RGSL1: variants seen among roughly 807,000 people sequenced by gnomAD.
RGSL1 encodes regulator of G protein signaling protein-like.
A neutral mutation model predicts 124.7 loss-of-function variants in RGSL1; 97 were observed. The observed-to-expected ratio is 0.78, with a 90% CI of 0.66 to 0.92. The LOEUF (loss-of-function observed/expected upper bound fraction) is 0.92. Ranked by LOEUF, RGSL1 falls within the 40% of genes least tolerant of loss-of-function variation. The pLI is 0.00. For missense variants in RGSL1, 1,233 were observed against 1,288.4 expected (o/e 0.96, Z 0.66); for synonymous variants, 424 against 438.1 (o/e 0.97, Z 0.40).
upstream of RGSL1, chr1:182,450,105 C>G: frequency 1.3e-6 from 2 of 1,546,088 alleles, no homozygotes; most frequent in South Asian, 2.4e-5. Context: ...GGATATAGTT[C>G]TATTGACTGG....
In RGSL1 at chr1:182,550,869, C is replaced by T. The variant is rs1344839637; in HGVS notation, c.2934-231C>T. On this transcript the variant is annotated intron_variant, in intron 17 of 21. Coordinates refer to ENST00000294854, the MANE Select transcript of RGSL1 (RefSeq NM_001137669.2). ...TTCACTGATGGTTCCAGAAAGAAGCCCCAACAAACTGCCCATGCCAGGCCC... is the reference window on the plus strand; with the variant it reads ...TTCACTGATGGTTCCAGAAAGAAGCTCCAACAAACTGCCCATGCCAGGCCC... 4 of 517,396 alleles carry T rather than the reference C, an allele frequency of 7.7e-6. No homozygotes were observed. The Admixed American group carries it at 1.3e-4, about 17-fold the overall frequency. The allele number at this position is 517,396 out of a possible 1,614,324, so 32.1% of individuals were successfully genotyped here.
intron 13 of RGSL1, among the ~76,000 whole-genome samples, chr1:182,531,798 C>T (rs1659191952): frequency 6.6e-6 from 1 of 152,164 alleles, no homozygotes; most frequent in Admixed American, 6.6e-5. Context: ...TCAACATGTA[C>T]TTAATGCCTA....
In RGSL1 at chr1:182,488,341, T is replaced by A; in HGVS notation, c.1488T>A (p.Leu496=). ...ATGAAGAGGACTACTGGTTTCTCCT[T>A]TTTACGGTAGGAAGGACTTTGGGTT... ...FLDEEDYWFL[L]FTTQNRFISS... The change falls in exon 7 of 22, where the codon CTT becomes CTA. Residue 496 remains leucine, a synonymous_variant. Coordinates refer to ENST00000294854, the MANE Select transcript of RGSL1 (RefSeq NM_001137669.2). 3 of 1,552,262 alleles carry A rather than the reference T, an allele frequency of 1.9e-6. No homozygotes were observed. The highest frequency in any genetic ancestry group is 2.6e-6 in the Non-Finnish European group (3 of 1,147,078).
In RGSL1 at chr1:182,473,949, C is replaced by G. The variant is rs1471392560; in HGVS notation, c.838C>G (p.Gln280Glu). 1 of 1,551,936 alleles carries G rather than the reference C, an allele frequency of 6.4e-7. No homozygotes were observed. The highest frequency in any genetic ancestry group is 8.7e-7 in the Non-Finnish European group (1 of 1,147,072). The change falls in exon 6 of 22, where the codon CAG becomes GAG. Residue 280 changes from glutamine (Q) to glutamate (E), a missense_variant. Transcript: ENST00000294854. ...LKPDAIGMPL[Q>E]ETCPQEKVVI... is the part of the protein sequence containing the mutation. ...GCCAGATGCTATTGGTATGCCCCTA[C>G]AGGAGACATGTCCTCAAGAGAAGGT...
At chr1:182,450,529 G>A in intron 1 of RGSL1, 2 of 304,330 alleles carry the variant, frequency 6.6e-6, no homozygotes, top group Non-Finnish European at 1.3e-5. Flanking sequence ...GCGTGGAATG[G>A]GTGCTAAAAG....
chr1:182,460,152 G>A lies in RGSL1; in HGVS notation c.301+19G>A. 1 of 1,508,818 alleles carries A rather than the reference G, an allele frequency of 6.6e-7. No homozygotes were observed. Among genetic ancestry groups the A allele is most frequent in the Non-Finnish European group, 8.8e-7 (1 of 1,134,612 alleles). 93.5% of individuals were successfully genotyped at this position (1,508,818 alleles called of 1,614,324 possible). A position where few individuals can be genotyped will look rare whatever the true frequency, so the allele number is the denominator to read the frequency against. On this transcript the variant is annotated intron_variant, in intron 4 of 21. Transcript: ENST00000294854. Reference sequence around the variant, plus strand: ...GAAGGAGGTAAGCATTGGTGTGCATGCGTGTGTCTGTGTGTGTGTGTGTGT... The same window carrying A: ...GAAGGAGGTAAGCATTGGTGTGCATACGTGTGTCTGTGTGTGTGTGTGTGT...
intron 21 of RGSL1, among the ~76,000 whole-genome samples, chr1:182,556,778 C>T (rs1660891112): frequency 2.0e-5 from 3 of 152,062 alleles, no homozygotes; most frequent in Non-Finnish European, 2.9e-5. Flanking sequence ...AAGCCCTAAA[C>T]TATTGTCATA....
At chr1:182,549,912 A>G (rs1335019586) in intron 17 of RGSL1, 1 of 152,140 alleles carries the variant, frequency 6.6e-6, no homozygotes, top group Non-Finnish European at 1.5e-5. Context: ...TCACCCAGAG[A>G]CTTTTGGAGG....
chr1:182,552,775 G>A (rs1571721460), intron 18 of RGSL1, among the ~76,000 whole-genome samples: 1 of 152,230 alleles, frequency 6.6e-6, no homozygotes, highest in Non-Finnish European at 1.5e-5. Flanking sequence ...CCCCATGGTG[G>A]AAGGCAGAAG....
intron 14 of RGSL1, among the ~76,000 whole-genome samples, chr1:182,537,919 CT>C (rs1659651381): frequency 3.3e-5 from 5 of 152,246 alleles, no homozygotes. Flanking sequence ...TGAACTCTGT[CT>C]TGTAAACTCT....
intron 6 of RGSL1, 51 bp from the exon 7 acceptor site, chr1:182,488,234 C>T (rs1004680029): frequency 9.6e-5 from 145 of 1,509,152 alleles, no homozygotes; most frequent in Non-Finnish European, 1.2e-4. Flanking sequence ...AGGAAAGATG[C>T]AGCAAGCTGA....
At chr1:182,546,215 A>C (rs1161033250) in intron 15 of RGSL1, among the ~76,000 whole-genome samples, 1 of 152,214 alleles carries the variant, frequency 6.6e-6, no homozygotes, top group Non-Finnish European at 1.5e-5. Flanking sequence ...GGGAGAATGA[A>C]GCCAACTTGC....
intron 1 of RGSL1, among the ~76,000 whole-genome samples, chr1:182,452,894 T>C (rs1651966874): frequency 6.6e-6 from 1 of 152,214 alleles, no homozygotes; most frequent in Non-Finnish European, 1.5e-5. Context: ...GATGCTTAGG[T>C]TGAGAGATGA....
intron 3 of RGSL1, 88 bp downstream of exon 3, chr1:182,458,481 T>C: frequency 1.7e-6 from 2 of 1,154,464 alleles, no homozygotes; most frequent in Non-Finnish European, 2.5e-6. Context: ...TTTTTGTTTT[T>C]GTTTTGGAGA....
rs145532278 is a variant in RGSL1 at position 182,533,145 on chromosome 1, G to A, written c.2494+354G>A. Among the ~76,000 whole-genome samples the A allele has an allele frequency of 7.3e-3, 1,107 of 152,226 alleles. 15 individuals carry two copies. Among genetic ancestry groups the A allele is most frequent in the Middle Eastern group, 0.027 (8 of 294 alleles). ...TGTTAATAAAGAGGTAATAAAAATT[G>A]CAGAAATATATAGTATAGAAGTGAA... is the stretch of plus-strand genomic sequence containing the variant. On this transcript the variant is annotated intron_variant, in intron 14 of 21. Coordinates refer to ENST00000294854, the MANE Select transcript of RGSL1 (RefSeq NM_001137669.2).
chr1:182,454,348 T>C (rs915172076), intron 2 of RGSL1, among the ~76,000 whole-genome samples: 5 of 152,210 alleles, frequency 3.3e-5, no homozygotes, highest in Non-Finnish European at 7.4e-5. Context: ...GACAGAGGTC[T>C]ACCCTCACTG....
At chr1:182,524,798 A>T (rs970833733) in intron 10 of RGSL1, among the ~76,000 whole-genome samples, 2 of 152,236 alleles carry the variant, frequency 1.3e-5, no homozygotes, top group African/African-American at 4.8e-5. Context: ...GGAGGCCACT[A>T]TCACAGCCAC....
chr1:182,554,945 C>A, intron 20 of RGSL1: 1 of 509,968 alleles, frequency 2.0e-6, no homozygotes, highest in Non-Finnish European at 3.5e-6. Flanking sequence ...TTCAGTAGAA[C>A]AATACTGCTG....
intron 1 of RGSL1, chr1:182,450,648 T>A: frequency 4.8e-6 from 1 of 210,002 alleles, no homozygotes; most frequent in South Asian, 9.4e-5. Flanking sequence ...CTTGTCTCTA[T>A]ATCTCCTTAA....
Sources: allele counts gnomAD v4.1 joint callset (sites outside exome capture counted in the v4.1 genomes callset), GRCh38; gene constraint gnomAD v4.1.1; transcripts MANE v1.5; gene names NCBI Gene and HGNC (gene_info 2026-07-23, HGNC 2026-07-21).